Variants in KYNU observed in about 807,000 individuals in gnomAD.
The protein encoded by KYNU is L-kynurenine hydrolase.
A neutral mutation model predicts 59.2 loss-of-function variants in KYNU; 54 were observed. The observed-to-expected ratio is 0.91, with a 90% CI of 0.73 to 1.14. The LOEUF is 1.14. KYNU is among the 50% of genes most tolerant of loss of function. KYNU has a pLI of 0.00. For missense variants in KYNU, 567 were observed against 554.4 expected (o/e 1.02, Z -0.23); for synonymous variants, 177 against 192.0 (o/e 0.92, Z 0.65).
chr2:142,935,852 C>T (rs1047249859), intron 4 of KYNU, among the ~76,000 whole-genome samples: 18 of 151,890 alleles, frequency 1.2e-4, no homozygotes, highest in African/African-American at 3.6e-4. Context: ...TACATACGGG[C>T]GTAAGGTGGC....
intron 4 of KYNU, among the ~76,000 whole-genome samples, chr2:142,953,818 T>A (rs1020721834): frequency 6.6e-6 from 1 of 152,212 alleles, no homozygotes; most frequent in Non-Finnish European, 1.5e-5. Context: ...TAAATGGCTA[T>A]GTTGAAATAT....
intron 4 of KYNU, among the ~76,000 whole-genome samples, chr2:142,936,658 A>T (rs983541579): frequency 6.6e-6 from 1 of 152,216 alleles, no homozygotes; most frequent in Non-Finnish European, 1.5e-5. Flanking sequence ...TCTTGGACCA[A>T]CGCTGGATTT....
intron 8 of KYNU, 124 bp downstream of exon 8, chr2:142,960,894 A>G: frequency 8.7e-7 from 1 of 1,151,382 alleles, no homozygotes; most frequent in Non-Finnish European, 1.3e-6. Context: ...AAAAGTTAAA[A>G]AAAAAAAGAG....
intron 6 of KYNU, among the ~76,000 whole-genome samples, chr2:142,957,124 A>G (rs895872540): frequency 6.6e-6 from 1 of 152,138 alleles, no homozygotes; most frequent in Non-Finnish European, 1.5e-5. Context: ...ATTATGTCAA[A>G]TGGAATAAAA....
At chr2:142,924,566 C>T (rs950815790) in intron 3 of KYNU, among the ~76,000 whole-genome samples, 1 of 152,158 alleles carries the variant, frequency 6.6e-6, no homozygotes, top group Non-Finnish European at 1.5e-5. Context: ...CATGGTCCTA[C>T]TTTAAAGAGG....
At chr2:142,912,313 A>G (rs867602645) in intron 2 of KYNU, among the ~76,000 whole-genome samples, 2 of 147,074 alleles carry the variant, frequency 1.4e-5, no homozygotes, top group Non-Finnish European at 3.0e-5. Flanking sequence ...TTTCCTTCAG[A>G]TTGTCTAGTT....
chr2:143,039,026 A>G (rs942949694), intron 12 of KYNU, among the ~76,000 whole-genome samples: 15 of 152,112 alleles, frequency 9.9e-5, no homozygotes, highest in African/African-American at 3.6e-4. Context: ...AGAAAAGCAC[A>G]TCTGTTCTGA....
chr2:143,000,989 A>G (rs1389702979), intron 10 of KYNU, among the ~76,000 whole-genome samples: 1 of 152,192 alleles, frequency 6.6e-6, no homozygotes, highest in Non-Finnish European at 1.5e-5. Context: ...CAGTGTTTCA[A>G]TCCACTTATT....
At chr2:142,982,640 AG>A (rs1400787718) in intron 8 of KYNU, among the ~76,000 whole-genome samples, 1 of 152,116 alleles carries the variant, frequency 6.6e-6, no homozygotes, top group African/African-American at 2.4e-5. Flanking sequence ...ATGTGTATGA[AG>A]GAGACAGTAG....
At chr2:143,015,612 G>A (rs1686225469) in intron 10 of KYNU, among the ~76,000 whole-genome samples, 1 of 152,008 alleles carries the variant, frequency 6.6e-6, no homozygotes, top group South Asian at 2.1e-4. Flanking sequence ...ATGTTTATGT[G>A]AATGACATTC....
intron 10 of KYNU, among the ~76,000 whole-genome samples, chr2:142,995,887 A>G (rs1346256445): frequency 6.6e-6 from 1 of 151,902 alleles, no homozygotes; most frequent in Admixed American, 6.6e-5. Flanking sequence ...GTTTTGATGC[A>G]TATCTACTGT....
rs988561783 is a variant in KYNU at position 143,054,390 on chromosome 2, A to G, written c.*12218A>G. The G allele has an allele frequency of 6.6e-6, 1 of 152,202 alleles. No individual in the cohort carries two copies. Among genetic ancestry groups the G allele is most frequent in the Admixed American group, 6.5e-5 (1 of 15,276 alleles). The allele number at this position is 152,202 out of a possible 1,614,324, so 9.4% of individuals were successfully genotyped here. A position where few individuals can be genotyped will look rare whatever the true frequency, so the allele number is the denominator to read the frequency against. On this transcript the variant is annotated 3_prime_UTR_variant, in exon 14 of 14. Transcript: ENST00000264170. ...AAAATTATTCTTTATAGGAAATTAC[A>G]GATAATATTTGATGAAGAAAATCGA...
intron 2 of KYNU, among the ~76,000 whole-genome samples, chr2:142,905,593 C>T (rs1159712906): frequency 6.6e-6 from 1 of 152,220 alleles, no homozygotes; most frequent in African/African-American, 2.4e-5. Flanking sequence ...TAGCCCGATA[C>T]TTTAAGATTT....
chr2:142,961,408 C>T (rs577813070), intron 8 of KYNU, among the ~76,000 whole-genome samples: 2 of 150,664 alleles, frequency 1.3e-5, no homozygotes, highest in South Asian at 4.2e-4. Flanking sequence ...GCTGGTCAGT[C>T]ACCAGGAAGC....
chr2:142,914,467 T>A (rs1682607259), intron 2 of KYNU, among the ~76,000 whole-genome samples: 1 of 152,212 alleles, frequency 6.6e-6, no homozygotes, highest in Admixed American at 6.5e-5. Flanking sequence ...GTTTTCCAGA[T>A]TGGAAAACTG....
chr2:142,954,699 C>T, intron 4 of KYNU, 111 bp from the exon 5 acceptor site: 2 of 732,004 alleles, frequency 2.7e-6, no homozygotes, highest in Non-Finnish European at 5.0e-6. Flanking sequence ...ATCAAATATG[C>T]CCTTATCTCT....
chr2:142,979,803 A>G (rs1235717960), intron 8 of KYNU, among the ~76,000 whole-genome samples: 1 of 152,122 alleles, frequency 6.6e-6, no homozygotes, highest in African/African-American at 2.4e-5. Flanking sequence ...AAAATAAAAA[A>G]TAAATAGCTA....
At chr2:142,884,724 T>A (rs6735204) in intron 1 of KYNU, among the ~76,000 whole-genome samples, 1 of 115,024 alleles carries the variant, frequency 8.7e-6, no homozygotes, top group Non-Finnish European at 1.7e-5. Flanking sequence ...GTTTGTGTTT[T>A]GAGACAGGGT....
At chr2:143,016,750 C>T (rs369387335) in intron 10 of KYNU, among the ~76,000 whole-genome samples, 1 of 152,034 alleles carries the variant, frequency 6.6e-6, no homozygotes, top group African/African-American at 2.4e-5. Context: ...TATAACTTCA[C>T]CTTTTATTTT....
Sources: allele counts gnomAD v4.1 joint callset (sites outside exome capture counted in the v4.1 genomes callset), GRCh38; gene constraint gnomAD v4.1.1; transcripts MANE v1.5; gene names NCBI Gene and HGNC (gene_info 2026-07-23, HGNC 2026-07-21).